Variants in PDE3A observed in about 807,000 individuals in gnomAD.
The protein encoded by PDE3A is cGMP-inhibited 3',5'-cyclic phosphodiesterase 3A.
PDE3A carries 43 observed loss-of-function variants against 98.3 expected under a neutral mutation model. That is an observed-to-expected ratio of 0.44 (90% CI 0.34 to 0.56). The LOEUF (loss-of-function observed/expected upper bound fraction) is 0.56. Ranked by LOEUF, PDE3A falls within the 20% of genes least tolerant of loss-of-function variation. The probability of loss-of-function intolerance (pLI) is 0.01; values close to 1 mark genes in which losing one functional copy is unlikely to be tolerated. For synonymous variants in PDE3A, 663 were observed against 567.9 expected, an observed-to-expected ratio of 1.17 and a Z score of -2.38; for missense variants, 1,427 against 1,440.7, an observed-to-expected ratio of 0.99 and a Z score of 0.15.
chr12:20,521,912 C>G (rs1287609111), intron 1 of PDE3A, among the ~76,000 whole-genome samples: 1 of 152,092 alleles, frequency 6.6e-6, no homozygotes, highest in Non-Finnish European at 1.5e-5. Context: ...CAACCACTTG[C>G]AAACAGCATG....
At chr12:20,380,370 A>G (rs571560122) in intron 1 of PDE3A, among the ~76,000 whole-genome samples, 4 of 151,984 alleles carry the variant, frequency 2.6e-5, no homozygotes, top group Middle Eastern at 3.4e-3. Context: ...ATCAAGTTGA[A>G]CTGAAAAATC....
intron 1 of PDE3A, among the ~76,000 whole-genome samples, chr12:20,423,625 C>G (rs182050852): frequency 6.6e-6 from 1 of 152,100 alleles, no homozygotes; most frequent in Non-Finnish European, 1.5e-5. Context: ...GACTCTCATG[C>G]GTAAGATTTT....
At chr12:20,467,672 C>T (rs989864283) in intron 1 of PDE3A, among the ~76,000 whole-genome samples, 17 of 151,836 alleles carry the variant, frequency 1.1e-4, no homozygotes, top group Admixed American at 2.0e-4. Context: ...CACGGTGGCT[C>T]CTGCCTGTAA....
At chr12:20,627,066 C>T (rs760050666) in intron 5 of PDE3A, among the ~76,000 whole-genome samples, 1 of 149,142 alleles carries the variant, frequency 6.7e-6, no homozygotes, top group Non-Finnish European at 1.5e-5. Flanking sequence ...TCACTCTTCT[C>T]ATAAATTGCC....
chr12:20,596,668 A>G (rs1943474988), intron 2 of PDE3A, among the ~76,000 whole-genome samples: 1 of 152,150 alleles, frequency 6.6e-6, no homozygotes, highest in Non-Finnish European at 1.5e-5. Context: ...AAATAGAGAG[A>G]ATAAGTGGCA....
intron 13 of PDE3A, 133 bp from the exon 14 acceptor site, chr12:20,650,312 T>C (rs1944887130): frequency 2.1e-6 from 1 of 480,720 alleles, no homozygotes; most frequent in Non-Finnish European, 3.7e-6. Context: ...TTTAAGTAGC[T>C]AGAGGTTCCC....
intron 3 of PDE3A, among the ~76,000 whole-genome samples, chr12:20,615,850 C>T (rs1036674888): frequency 2.0e-5 from 3 of 152,030 alleles, no homozygotes; most frequent in Non-Finnish European, 4.4e-5. Flanking sequence ...CTCAGCCTCC[C>T]GAGCAACTGA....
chr12:20,641,476 T>C (rs1325527537), intron 10 of PDE3A, among the ~76,000 whole-genome samples: 1 of 152,052 alleles, frequency 6.6e-6, no homozygotes, highest in Admixed American at 6.6e-5. Context: ...ATAAATAAAC[T>C]TTTATAGAAA....
chr12:20,414,989 TA>T (rs1191631520), intron 1 of PDE3A, among the ~76,000 whole-genome samples: 1 of 151,834 alleles, frequency 6.6e-6, no homozygotes, highest in Non-Finnish European at 1.5e-5. Context: ...GATTAAACTT[TA>T]CAGGATTGCT....
Position 20,680,086 on chromosome 12 carries a change from C to A in PDE3A, c.3241C>A (p.Gln1081Lys). ...CTGCCAAATAACTCAGCACCTCTTACAGAACCACAAGATGTGGAAGAAAGT... is the reference window on the plus strand; with the variant it reads ...CTGCCAAATAACTCAGCACCTCTTAAAGAACCACAAGATGTGGAAGAAAGT... ...IYCQITQHLL[Q>K]NHKMWKKVIE... The change falls in exon 16 of 16, where the codon CAG becomes AAG. Residue 1081 changes from glutamine (Q) to lysine (K), a missense_variant. Physicochemically the swap from Gln to Lys is moderately conservative, Grantham distance 53. This residue lies in a region of PDE3A where 142 missense variants were observed against 133.9 expected (regional missense o/e 1.06). Transcript: ENST00000359062. 6.2e-7 allele frequency: 1 copy of A among 1,609,290 alleles called. No individual in the cohort carries two copies. Among genetic ancestry groups the A allele is most frequent in the Non-Finnish European group, 8.5e-7 (1 of 1,175,782 alleles).
chr12:20,551,872 T>C (rs1000926803), intron 1 of PDE3A: 4 of 1,613,572 alleles, frequency 2.5e-6, no homozygotes, highest in South Asian at 1.1e-5. Flanking sequence ...CATCATCCCG[T>C]CCAACCACTA....
At chr12:20,536,359 TGC>T (rs1442557872) in intron 1 of PDE3A, among the ~76,000 whole-genome samples, 1 of 143,734 alleles carries the variant, frequency 7.0e-6, no homozygotes, top group Non-Finnish European at 1.5e-5. Flanking sequence ...TGTGTGTGTG[TGC>T]ATAGAGGTAT....
intron 6 of PDE3A, among the ~76,000 whole-genome samples, chr12:20,633,440 A>G (rs1944427215): frequency 6.6e-6 from 1 of 152,216 alleles, no homozygotes; most frequent in Non-Finnish European, 1.5e-5. Context: ...TGATCTAGAT[A>G]AAGGAGGAGG....
intron 1 of PDE3A, among the ~76,000 whole-genome samples, chr12:20,437,829 A>G (rs953814374): frequency 1.3e-5 from 2 of 152,196 alleles, no homozygotes; most frequent in Non-Finnish European, 2.9e-5. Flanking sequence ...TTGTACTCAT[A>G]CAGCTTACAT....
At chr12:20,676,784 C>G (rs549024647) in intron 15 of PDE3A, among the ~76,000 whole-genome samples, 1 of 152,250 alleles carries the variant, frequency 6.6e-6, no homozygotes, top group East Asian at 1.9e-4. Flanking sequence ...CAGGCGTGAG[C>G]CACCGCACCC....
At chr12:20,405,661 A>T (rs961673071) in intron 1 of PDE3A, among the ~76,000 whole-genome samples, 1 of 152,198 alleles carries the variant, frequency 6.6e-6, no homozygotes, top group African/African-American at 2.4e-5. Context: ...TGATATACAT[A>T]TACATTGTGA....
chr12:20,464,750 A>G (rs779103537), intron 1 of PDE3A, among the ~76,000 whole-genome samples: 1 of 152,144 alleles, frequency 6.6e-6, no homozygotes, highest in Non-Finnish European at 1.5e-5. Flanking sequence ...CGTGGGATTG[A>G]ATAAAATGAG....
intron 4 of PDE3A, among the ~76,000 whole-genome samples, chr12:20,617,048 A>G (rs1294149019): frequency 1.3e-5 from 2 of 152,202 alleles, no homozygotes; most frequent in African/African-American, 4.8e-5. Flanking sequence ...TAAAAATATT[A>G]TACTTATCTT....
intron 1 of PDE3A, among the ~76,000 whole-genome samples, chr12:20,378,348 C>T (rs1270659374): frequency 1.3e-5 from 2 of 151,518 alleles, no homozygotes; most frequent in Non-Finnish European, 3.0e-5. Context: ...AATTCTACAT[C>T]AAGAAATAAA....
Sources: gnomAD v4.1 joint callset for allele counts (sites outside exome capture counted in the v4.1 genomes callset) on GRCh38, gnomAD v4.1.1 for gene constraint, gnomAD v4.1.1 regional missense constraint, MANE v1.5 for transcripts, NCBI Gene and HGNC (gene_info 2026-07-23, HGNC 2026-07-21) for gene names.